The following LRMDA variants were observed in gnomAD, a reference collection of about 807,000 sequenced individuals.
LRMDA encodes leucine rich melanocyte differentiation associated, also known as leucine-rich melanocyte differentiation-associated protein.
In LRMDA, 18 loss-of-function variants were observed where a neutral mutation model predicts 29.8. That is an observed-to-expected ratio of 0.60 (90% CI 0.42 to 0.90). LRMDA has a LOEUF of 0.90. Ranked by LOEUF, LRMDA falls within the 40% of genes least tolerant of loss-of-function variation. The pLI is 0.00. For missense variants in LRMDA, 273 were observed against 273.9 expected (o/e 1.00, Z 0.02); for synonymous variants, 125 against 109.4 (o/e 1.14, Z -0.89).
intron 5 of LRMDA, among the ~76,000 whole-genome samples, chr10:76,152,790 T>G (rs1850468366): frequency 6.6e-6 from 1 of 152,166 alleles, no homozygotes; most frequent in African/African-American, 2.4e-5. Context: ...CATCTTTTCA[T>G]GTGCTCTTTG....
intron 6 of LRMDA, among the ~76,000 whole-genome samples, chr10:76,482,495 T>G (rs1040043869): frequency 6.6e-6 from 1 of 151,980 alleles, no homozygotes; most frequent in African/African-American, 2.4e-5. Flanking sequence ...GTTTATAAAA[T>G]TCATCCATGT....
At chr10:75,690,459 C>T (rs1842131248) in intron 2 of LRMDA, among the ~76,000 whole-genome samples, 1 of 152,056 alleles carries the variant, frequency 6.6e-6, no homozygotes, top group South Asian at 2.1e-4. Context: ...TGCATGCCAC[C>T]ATGCCAAGCT....
intron 6 of LRMDA, among the ~76,000 whole-genome samples, chr10:76,484,899 C>T (rs945294105): frequency 1.3e-5 from 2 of 151,780 alleles, no homozygotes; most frequent in Non-Finnish European, 2.9e-5. Context: ...TATAATGTCC[C>T]TCTTTATCTC....
intron 2 of LRMDA, among the ~76,000 whole-genome samples, chr10:75,583,230 T>A (rs1840616185): frequency 6.6e-6 from 1 of 152,174 alleles, no homozygotes; most frequent in African/African-American, 2.4e-5. Context: ...TGGCACCAAT[T>A]TTCTGTATTG....
intron 5 of LRMDA, among the ~76,000 whole-genome samples, chr10:76,285,602 A>G (rs1840262179): frequency 6.6e-6 from 1 of 152,050 alleles, no homozygotes; most frequent in African/African-American, 2.4e-5. Flanking sequence ...GTATTATTCC[A>G]GGTTTTATGC....
At chr10:76,176,162 T>C (rs1850930033) in intron 5 of LRMDA, among the ~76,000 whole-genome samples, 1 of 152,206 alleles carries the variant, frequency 6.6e-6, no homozygotes, top group Non-Finnish European at 1.5e-5. Flanking sequence ...GAAAAATTGT[T>C]TGTCTTCCAC....
intron 6 of LRMDA, among the ~76,000 whole-genome samples, chr10:76,337,619 C>T (rs189836154): frequency 1.3e-5 from 2 of 152,010 alleles, no homozygotes; most frequent in African/African-American, 4.8e-5. Flanking sequence ...GTAGATGAAG[C>T]CAGAACAATA....
At chr10:76,017,882 G>A (rs1003520260) in intron 2 of LRMDA, among the ~76,000 whole-genome samples, 7 of 152,170 alleles carry the variant, frequency 4.6e-5, no homozygotes, top group Non-Finnish European at 1.0e-4. Flanking sequence ...CAACCTGCTT[G>A]ATATGTTTGC....
intron 2 of LRMDA, among the ~76,000 whole-genome samples, chr10:75,867,091 C>T (rs1823974416): frequency 6.6e-6 from 1 of 152,190 alleles, no homozygotes; most frequent in Non-Finnish European, 1.5e-5. Context: ...TCTGGACAGG[C>T]AGTCTCTCTC....
chr10:76,399,732 C>T (rs1841828099), intron 6 of LRMDA, among the ~76,000 whole-genome samples: 1 of 152,168 alleles, frequency 6.6e-6, no homozygotes, highest in African/African-American at 2.4e-5. Flanking sequence ...AGTTCAAAAC[C>T]TTGGAACTTT....
At chr10:75,585,966 T>C (rs545319162) in intron 2 of LRMDA, among the ~76,000 whole-genome samples, 1 of 152,362 alleles carries the variant, frequency 6.6e-6, no homozygotes, top group Admixed American at 6.5e-5. Context: ...TAGCATAATG[T>C]CCTCAAGGTT....
At chr10:75,890,190 T>G (rs890616690) in intron 2 of LRMDA, among the ~76,000 whole-genome samples, 1 of 152,194 alleles carries the variant, frequency 6.6e-6, no homozygotes, top group African/African-American at 2.4e-5. Context: ...GAGGATTCCC[T>G]GGTATCTATT....
rs139239147 is a variant in LRMDA, at chr10:75,977,230, T to C, written c.132-58778T>C. Among the ~76,000 whole-genome samples the C allele has an allele frequency of 2.6e-5, 4 of 152,286 alleles. No homozygotes were observed. In the East Asian group the frequency reaches 7.7e-4, roughly 29 times the overall value. ...ACTTCAAGTTTTATTAAATGAGTTA[T>C]AAATTTTCCCAGCAATTTACTCATA... is the stretch of plus-strand genomic sequence containing the variant. On this transcript the variant is annotated intron_variant, in intron 2 of 6. Coordinates refer to ENST00000611255, the MANE Select transcript of LRMDA (RefSeq NM_001305581.2).
At chr10:76,406,921 C>T (rs1841908436) in intron 6 of LRMDA, among the ~76,000 whole-genome samples, 1 of 152,120 alleles carries the variant, frequency 6.6e-6, no homozygotes, top group African/African-American at 2.4e-5. Flanking sequence ...ATAATTGTTC[C>T]AGATCTCAGT....
At chr10:75,548,646 T>C (rs1215627267) in intron 2 of LRMDA, among the ~76,000 whole-genome samples, 2 of 152,188 alleles carry the variant, frequency 1.3e-5, no homozygotes, top group Non-Finnish European at 2.9e-5. Flanking sequence ...CAGAACCAGA[T>C]GCTGGGTGGC....
intron 6 of LRMDA, among the ~76,000 whole-genome samples, chr10:76,368,878 T>C (rs1841422222): frequency 6.6e-6 from 1 of 152,206 alleles, no homozygotes; most frequent in Non-Finnish European, 1.5e-5. Context: ...CTTTTAATGC[T>C]GTTGCTTTAT....
intron 2 of LRMDA, among the ~76,000 whole-genome samples, chr10:75,566,892 C>T (rs1031021207): frequency 1.3e-4 from 20 of 152,190 alleles, no homozygotes; most frequent in Non-Finnish European, 2.9e-4. Context: ...GGCCACTACT[C>T]CTCTGGCCTT....
At chr10:75,852,542 C>CAA (rs201320353) in intron 2 of LRMDA, among the ~76,000 whole-genome samples, 2 of 36,972 alleles carry the variant, frequency 5.4e-5, no homozygotes, top group Non-Finnish European at 2.1e-4. Flanking sequence ...ACAACAACAA[C>CAA]AAAAAAAACA....
chr10:75,583,174 G>A (rs988781672), intron 2 of LRMDA, among the ~76,000 whole-genome samples: 2 of 152,172 alleles, frequency 1.3e-5, no homozygotes, highest in Non-Finnish European at 2.9e-5. Context: ...CAGTTCCACA[G>A]TTGCTCCCAC....
Sources: gnomAD v4.1 joint callset for allele counts (sites outside exome capture counted in the v4.1 genomes callset) on GRCh38, gnomAD v4.1.1 for gene constraint, MANE v1.5 for transcripts, NCBI Gene and HGNC (gene_info 2026-07-23, HGNC 2026-07-21) for gene names.